INSL6: variants seen among roughly 807,000 people sequenced by gnomAD.
INSL6 encodes the protein insulin like 6.
In INSL6, 16 loss-of-function variants were observed where a neutral mutation model predicts 9.4. That is an observed-to-expected ratio of 1.70 (90% CI 1.15 to 2.59). The LOEUF is 2.59. Ranked by LOEUF, INSL6 falls within the 30% of genes most tolerant of loss-of-function variation. The pLI is 0.00. For missense variants in INSL6, 391 were observed against 257.3 expected, an observed-to-expected ratio of 1.52 and a Z score of -3.56; for synonymous variants, 154 against 96.9, an observed-to-expected ratio of 1.59 and a Z score of -3.46.
the INSL6 span, among the ~76,000 whole-genome samples, chr9:5,117,665 AAATAAATT>A: frequency 5.4e-4 from 76 of 139,962 alleles, no homozygotes; most frequent in Admixed American, 2.0e-3. Context: ...GTTTTATCTT[AAATAAATT>A]AATAAATATT....
the INSL6 span, among the ~76,000 whole-genome samples, chr9:5,095,366 A>G: frequency 1.4e-4 from 22 of 152,186 alleles, no homozygotes; most frequent in African/African-American, 4.3e-4. Context: ...TTGATTAAAA[A>G]AACAAATCTC....
the INSL6 span, among the ~76,000 whole-genome samples, chr9:5,016,101 G>A: frequency 6.1e-3 from 927 of 152,034 alleles, 12 homozygotes; most frequent in African/African-American, 0.021. Flanking sequence ...GCCAGCCGTC[G>A]CTTCCCTCCA....
chr9:5,154,157 G>A (rs533799521), intron 2 of INSL6, among the ~76,000 whole-genome samples: 2 of 152,262 alleles, frequency 1.3e-5, no homozygotes, highest in Admixed American at 1.3e-4. Context: ...AGAAGCCTCA[G>A]AAATAATACC....
chr9:5,013,534 A>C, the INSL6 span, among the ~76,000 whole-genome samples: 1 of 152,164 alleles, frequency 6.6e-6, no homozygotes, highest in Admixed American at 6.5e-5. Context: ...ACCTATCTGA[A>C]CCTTCCAATC....
the INSL6 span, chr9:5,054,533 G>T: frequency 6.6e-7 from 1 of 1,512,670 alleles, no homozygotes; most frequent in Non-Finnish European, 8.9e-7. The surrounding 1 kb of genome is among the most constrained non-coding windows in gnomAD (Gnocchi z 4.9). Context: ...GTTTTGTTTT[G>T]TTTTTCTGTA....
the INSL6 span, chr9:5,085,362 G>A: frequency 2.2e-6 from 2 of 903,140 alleles, no homozygotes; most frequent in Admixed American, 3.5e-5. Flanking sequence ...CGTACTGATA[G>A]GTGATCTCAT....
At chr9:5,126,076 G>GT (rs1823974874) in intron 3 of INSL6, 1 of 292,498 alleles carries the variant, frequency 3.4e-6, no homozygotes, top group Non-Finnish European at 6.3e-6. Context: ...AAGGAAATAT[G>GT]TTTTTAGTTC....
At chr9:5,143,233 C>CA (rs1350358588) in intron 2 of INSL6, among the ~76,000 whole-genome samples, 1 of 141,286 alleles carries the variant, frequency 7.1e-6, no homozygotes, top group Admixed American at 6.7e-5. Flanking sequence ...TCCTTCTCCT[C>CA]AATTTTTTTT....
At chr9:5,170,766 T>C (rs1348517442) in intron 1 of INSL6, among the ~76,000 whole-genome samples, 3 of 151,822 alleles carry the variant, frequency 2.0e-5, no homozygotes, top group Non-Finnish European at 2.9e-5. Flanking sequence ...CCTGAACACA[T>C]ACACCCCCAC....
chr9:5,071,756 C>T, the INSL6 span, among the ~76,000 whole-genome samples: 1 of 152,180 alleles, frequency 6.6e-6, no homozygotes, highest in African/African-American at 2.4e-5. Flanking sequence ...CAAGCATCTT[C>T]ATGTGAGTAA....
the INSL6 span, among the ~76,000 whole-genome samples, chr9:5,065,235 C>G: frequency 6.6e-6 from 1 of 152,096 alleles, no homozygotes; most frequent in African/African-American, 2.4e-5. Flanking sequence ...GTATCCCAAT[C>G]TATAATATTT....
At chr9:5,085,759 C>T in the INSL6 span, 3 of 754,768 alleles carry the variant, frequency 4.0e-6, no homozygotes, top group South Asian at 2.8e-5. Context: ...CTAGCTTGCA[C>T]ATGTCGGGAG....
the INSL6 span, among the ~76,000 whole-genome samples, chr9:5,074,673 T>G: frequency 1.3e-5 from 2 of 152,208 alleles, no homozygotes; most frequent in Non-Finnish European, 2.9e-5. Flanking sequence ...ATATTAAAAT[T>G]AGGCCATTTA....
the INSL6 span, chr9:5,041,052 A>G: frequency 2.3e-3 from 1,611 of 686,324 alleles, 13 homozygotes; most frequent in South Asian, 6.3e-3. Flanking sequence ...GCTCAGCGCC[A>G]TAGAGGGCGT....
At chr9:5,065,223 C>G in the INSL6 span, among the ~76,000 whole-genome samples, 1 of 152,128 alleles carries the variant, frequency 6.6e-6, no homozygotes, top group African/African-American at 2.4e-5. Context: ...AATTTACCAT[C>G]TGTATCCCAA....
the INSL6 span, chr9:5,077,577 T>G: frequency 6.8e-7 from 1 of 1,479,080 alleles, no homozygotes; most frequent in Non-Finnish European, 9.0e-7. Flanking sequence ...CCATGCATTT[T>G]CTAGTAAGTA....
the INSL6 span, among the ~76,000 whole-genome samples, chr9:5,007,818 C>G: frequency 6.6e-6 from 1 of 151,818 alleles, no homozygotes; most frequent in Non-Finnish European, 1.5e-5. Context: ...ATCTCTGCCT[C>G]CCAGGTTCAA....
At chr9:5,111,178 C>T in the INSL6 span, 2 of 711,438 alleles carry the variant, frequency 2.8e-6, no homozygotes, top group Non-Finnish European at 2.4e-6. Context: ...CAGCCACTCT[C>T]CATTCACATT....
At chr9:5,185,223 C>G in intron 1 of INSL6, 91 bp downstream of exon 1, 1 of 1,533,974 alleles carries the variant, frequency 6.5e-7, no homozygotes. Context: ...ACAAATTCCA[C>G]TTCCTGGGGA....
Sources: gnomAD v4.1 joint callset for allele counts (sites outside exome capture counted in the v4.1 genomes callset) on GRCh38, gnomAD v4.1.1 for gene constraint, Gnocchi (gnomAD v3.1) non-coding constraint, MANE v1.5 for transcripts, NCBI Gene and HGNC (gene_info 2026-07-23, HGNC 2026-07-21) for gene names.